Variants in TANK observed in about 807,000 individuals in gnomAD.
TANK encodes TRAF family member associated NFKB activator.
A neutral mutation model predicts 43.6 loss-of-function variants in TANK; 15 were observed. The observed-to-expected ratio is 0.34, with a 90% confidence interval of 0.23 to 0.53. The LOEUF is 0.53. Among genes scored for constraint, TANK ranks in the 20% least tolerant of loss-of-function variants. The pLI, the probability that TANK is intolerant of heterozygous loss-of-function variation, is 0.94. For synonymous variants in TANK, 162 were observed against 178.2 expected (o/e 0.91, Z 0.73); for missense variants, 417 against 498.6 (o/e 0.84, Z 1.56).
chr2:161,160,616 G>T (rs1455158421), intron 1 of TANK, 130 bp downstream of exon 1: 2 of 763,066 alleles, frequency 2.6e-6, no homozygotes, highest in Non-Finnish European at 3.9e-6. Flanking sequence ...AGGAGCAGCG[G>T]AGACAACCAA....
rs182895189 is a variant in TANK at position 161,204,357 on chromosome 2, C to T, written c.209-318C>T. Among the ~76,000 whole-genome samples the T allele has an allele frequency of 3.0e-3, 454 of 152,108 alleles. 9 individuals are homozygous for T. The highest frequency in any genetic ancestry group is 6.8e-3 in the Middle Eastern group (2 of 292). ...ACAAATAATTATCTTAAATAAGAAA[C>T]GCATACCTGAAAATGTGAATATAAA... On this transcript the variant is annotated intron_variant, in intron 3 of 7. Coordinates refer to ENST00000392749, the MANE Select transcript of TANK (RefSeq NM_001199135.3).
At chr2:161,159,625 G>C (rs570619070), upstream of TANK, among the ~76,000 whole-genome samples, 3 of 152,296 alleles carry the variant, frequency 2.0e-5, no homozygotes, top group South Asian at 6.2e-4. Context: ...TGGACTTACT[G>C]GCCTAAGGAA....
At chr2:161,153,785 G>A (rs1278512741) in intron 1 of TANK, among the ~76,000 whole-genome samples, 1 of 151,034 alleles carries the variant, frequency 6.6e-6, no homozygotes, top group Non-Finnish European at 1.5e-5. Context: ...CAGTCCTCCT[G>A]TAGGCCAGAT....
At chr2:161,192,974 A>G (rs949126407) in intron 2 of TANK, among the ~76,000 whole-genome samples, 1 of 152,222 alleles carries the variant, frequency 6.6e-6, no homozygotes, top group Non-Finnish European at 1.5e-5. Context: ...GAATAACTTA[A>G]TATAGTCTCC....
intron 6 of TANK, among the ~76,000 whole-genome samples, chr2:161,230,199 G>T (rs1687839855): frequency 6.6e-6 from 1 of 152,126 alleles, no homozygotes; most frequent in Non-Finnish European, 1.5e-5. Context: ...TGAACCTTGT[G>T]GCTCTAATTC....
intron 4 of TANK, among the ~76,000 whole-genome samples, chr2:161,211,543 T>C (rs537902635): frequency 1.3e-5 from 2 of 152,366 alleles, no homozygotes; most frequent in Admixed American, 1.3e-4. Flanking sequence ...AATTAGGCCG[T>C]TAGTCAACAT....
Position 161,207,212 on chromosome 2 carries a change from A to G in TANK, c.327+2419A>G, listed in dbSNP as rs372994594. 3.9e-5 allele frequency among the ~76,000 whole-genome samples: 6 copies of G among 152,290 alleles called. No individual in the cohort carries two copies. In the East Asian group the frequency reaches 5.8e-4, roughly 15 times the overall value. On this transcript the variant is annotated intron_variant, in intron 4 of 7. Transcript: ENST00000392749. ...ATGAAATTAAGTTTAAGTAACAGAAATCATTTCAGAGATAGCCTGTGTGCA... is the reference window on the plus strand; with the variant it reads ...ATGAAATTAAGTTTAAGTAACAGAAGTCATTTCAGAGATAGCCTGTGTGCA...
chr2:161,181,489 T>C (rs1685422855), intron 2 of TANK, among the ~76,000 whole-genome samples: 2 of 152,054 alleles, frequency 1.3e-5, no homozygotes, highest in South Asian at 4.1e-4. Context: ...AGAGGTTTAA[T>C]TGACTTACAG....
chr2:161,160,345 T>G, upstream of TANK: 4 of 990,970 alleles, frequency 4.0e-6, no homozygotes, highest in South Asian at 4.9e-5. Flanking sequence ...CCTGGCCTTG[T>G]TGGGTGGAGG....
chr2:161,235,841 T>A lies in TANK; in HGVS notation c.*323T>A, dbSNP rs1322460623. The A allele has an allele frequency of 3.0e-5, 5 of 165,856 alleles. No individual in the cohort carries two copies. Among genetic ancestry groups the A allele is most frequent in the Non-Finnish European group, 6.4e-5 (5 of 77,592 alleles). The allele number at this position is 165,856 out of a possible 1,614,324, so 10.3% of individuals were successfully genotyped here. ...AGAGTTATATAATCATAATTTATGTTTATTTCAAATATCTAAGTTTATTGC... is the reference window on the plus strand; with the variant it reads ...AGAGTTATATAATCATAATTTATGTATATTTCAAATATCTAAGTTTATTGC... On this transcript the variant is annotated 3_prime_UTR_variant, in exon 8 of 8. Transcript: ENST00000392749.
chr2:161,235,625 TA>T lies in TANK; in HGVS notation c.*108del. On this transcript the variant is annotated 3_prime_UTR_variant, in exon 8 of 8. Coordinates refer to ENST00000392749, the MANE Select transcript of TANK (RefSeq NM_001199135.3). ...ATTCAAGATCATTTATAGGAAAATCTAGTTTCACAGCTATTTGAATTTTTTT... is the reference window on the plus strand; with the variant it reads ...ATTCAAGATCATTTATAGGAAAATCTGTTTCACAGCTATTTGAATTTTTTT... The T allele has an allele frequency of 1.1e-6, 1 of 903,174 alleles. No homozygotes were observed. Among genetic ancestry groups the T allele is most frequent in the Non-Finnish European group, 1.6e-6 (1 of 641,388 alleles). The allele number at this position is 903,174 out of a possible 1,614,324, so 55.9% of individuals were successfully genotyped here.
chr2:161,178,138 G>A (rs56218235), intron 1 of TANK, among the ~76,000 whole-genome samples: 8,112 of 152,156 alleles, frequency 0.053, 689 homozygotes, highest in African/African-American at 0.18. Flanking sequence ...ATTACCATAT[G>A]ACTCAGCAGT....
At chr2:161,154,404 G>A (rs978676437) in intron 1 of TANK, among the ~76,000 whole-genome samples, 3 of 152,182 alleles carry the variant, frequency 2.0e-5, no homozygotes, top group Admixed American at 2.0e-4. Flanking sequence ...TTAAGATTTT[G>A]GATTTTATTC....
intron 1 of TANK, among the ~76,000 whole-genome samples, chr2:161,142,850 A>T (rs946179963): frequency 2.0e-5 from 3 of 152,048 alleles, no homozygotes; most frequent in African/African-American, 7.2e-5. Flanking sequence ...TTTTTTTCTA[A>T]TTCTGTGAAA....
chr2:161,229,468 CA>C (rs2105401711), intron 6 of TANK, among the ~76,000 whole-genome samples: 1 of 152,096 alleles, frequency 6.6e-6, no homozygotes, highest in African/African-American at 2.4e-5. Flanking sequence ...GGATATGAGA[CA>C]AATTCAGAGG....
intron 1 of TANK, among the ~76,000 whole-genome samples, chr2:161,148,414 T>G (rs543744696): frequency 6.6e-6 from 1 of 152,352 alleles, no homozygotes; most frequent in South Asian, 2.1e-4. Context: ...TTTTTATATA[T>G]TCTAGATTCT....
chr2:161,188,995 T>TACC (rs1448798228), intron 2 of TANK, among the ~76,000 whole-genome samples: 1 of 152,196 alleles, frequency 6.6e-6, no homozygotes, highest in Non-Finnish European at 1.5e-5. Flanking sequence ...ACTTGCCAGA[T>TACC]ACTGGTGTCT....
At chr2:161,186,066 A>G (rs944438574) in intron 2 of TANK, among the ~76,000 whole-genome samples, 2 of 152,194 alleles carry the variant, frequency 1.3e-5, no homozygotes, top group Admixed American at 6.5e-5. Flanking sequence ...GCTACCCAGG[A>G]GGCTGAGGTG....
intron 2 of TANK, among the ~76,000 whole-genome samples, chr2:161,183,429 G>A (rs892781276): frequency 6.6e-6 from 1 of 151,974 alleles, no homozygotes; most frequent in Non-Finnish European, 1.5e-5. Context: ...GTTCTTCTTA[G>A]GTTCATTAAG....
Sources: allele counts gnomAD v4.1 joint callset (sites outside exome capture counted in the v4.1 genomes callset), GRCh38; gene constraint gnomAD v4.1.1; transcripts MANE v1.5; gene names NCBI Gene and HGNC (gene_info 2026-07-23, HGNC 2026-07-21).